The following NFIB variants were observed in gnomAD, a reference collection of about 807,000 sequenced individuals.
NFIB encodes the protein nuclear factor 1 B-type.
A neutral mutation model predicts 61.5 loss-of-function variants in NFIB; 11 were observed. The ratio of observed to expected loss-of-function variants is 0.18; its 90% CI spans 0.11 to 0.30. The LOEUF (loss-of-function observed/expected upper bound fraction) is 0.30. NFIB is among the 10% of genes least tolerant of loss of function. NFIB has a pLI of 1.00. For missense variants in NFIB, 471 were observed against 608.9 expected, an observed-to-expected ratio of 0.77 and a Z score of 2.38; for synonymous variants, 260 against 216.5, an observed-to-expected ratio of 1.20 and a Z score of -1.76.
chr9:14,511,187 T>G, the NFIB span, among the ~76,000 whole-genome samples: 1 of 152,190 alleles, frequency 6.6e-6, no homozygotes, highest in African/African-American at 2.4e-5. Context: ...TGTTTACCAA[T>G]TTTATAGAAG....
At chr9:14,445,141 G>A in the NFIB span, among the ~76,000 whole-genome samples, 1 of 152,086 alleles carries the variant, frequency 6.6e-6, no homozygotes, top group Admixed American at 6.6e-5. Flanking sequence ...TGGTATATAG[G>A]AATGTAGTTG....
At chr9:14,282,380 TTG>T (rs981375374) in intron 2 of NFIB, among the ~76,000 whole-genome samples, 4 of 152,186 alleles carry the variant, frequency 2.6e-5, no homozygotes, top group African/African-American at 9.7e-5. Context: ...AAAAATCGTA[TTG>T]TGTTTAATGA....
the NFIB span, among the ~76,000 whole-genome samples, chr9:14,520,028 A>C: frequency 6.6e-6 from 1 of 151,972 alleles, no homozygotes; most frequent in African/African-American, 2.4e-5. Flanking sequence ...TGAAAATATG[A>C]AGTCCATATT....
chr9:14,169,530 A>T (rs532852434), intron 3 of NFIB, among the ~76,000 whole-genome samples: 1 of 152,138 alleles, frequency 6.6e-6, no homozygotes, highest in East Asian at 1.9e-4. Context: ...GCAAAAGCTA[A>T]TAAGAGTCAG....
intron 1 of NFIB, among the ~76,000 whole-genome samples, chr9:14,344,134 G>GAGAGAGAGAGAGAGAGAGAGAGAGAA (rs1248077284): frequency 6.8e-6 from 1 of 148,022 alleles, no homozygotes; most frequent in African/African-American, 2.5e-5. Flanking sequence ...GAGAGAGAGA[G>GAGAGAGAGAGAGAGAGAGAGAGAGAA]AAACACTAAG....
At chr9:14,247,913 T>G (rs972744923) in intron 2 of NFIB, among the ~76,000 whole-genome samples, 5 of 151,710 alleles carry the variant, frequency 3.3e-5, no homozygotes, top group Non-Finnish European at 5.9e-5. Flanking sequence ...CTACACAGTA[T>G]CTACTAATTT....
At chr9:14,094,952 C>A (rs1356742749) in intron 10 of NFIB, among the ~76,000 whole-genome samples, 1 of 151,910 alleles carries the variant, frequency 6.6e-6, no homozygotes, top group East Asian at 1.9e-4. Context: ...AGTGCTAGCA[C>A]TTTCTAAGTA....
At chr9:14,412,098 C>G in the NFIB span, among the ~76,000 whole-genome samples, 8,181 of 152,320 alleles carry the variant, frequency 0.054, 280 homozygotes, top group Non-Finnish European at 0.076. Flanking sequence ...CCCAGCTAAG[C>G]TACTCCCTGA....
At chr9:14,121,186 T>A (rs1467754861) in intron 7 of NFIB, among the ~76,000 whole-genome samples, 1 of 152,158 alleles carries the variant, frequency 6.6e-6, no homozygotes, top group Non-Finnish European at 1.5e-5. Flanking sequence ...ATCACTTGAA[T>A]CCAGTAGACG....
the NFIB span, among the ~76,000 whole-genome samples, chr9:14,463,150 GA>G: frequency 0.08 from 1,007 of 12,524 alleles, 13 homozygotes; most frequent in African/African-American, 0.23. Context: ...TAATTATTTT[GA>G]TTGTTTTATT....
intron 2 of NFIB, among the ~76,000 whole-genome samples, chr9:14,270,812 C>G (rs769222002): frequency 1.3e-5 from 2 of 152,026 alleles, no homozygotes; most frequent in African/African-American, 2.4e-5. Context: ...TTTGCACAAC[C>G]TAATTTATAG....
intron 2 of NFIB, among the ~76,000 whole-genome samples, chr9:14,250,265 A>AT (rs1171761728): frequency 9.3e-6 from 1 of 107,936 alleles, no homozygotes; most frequent in Non-Finnish European, 2.3e-5. Flanking sequence ...TGCATATAAT[A>AT]TCTTTTTTTG....
At chr9:14,362,080 C>A (rs2061247563) in intron 1 of NFIB, 1 of 152,164 alleles carries the variant, frequency 6.6e-6, no homozygotes, top group Admixed American at 6.6e-5. Context: ...TTGTTTTCTT[C>A]ATAAGGAAAC....
intron 2 of NFIB, among the ~76,000 whole-genome samples, chr9:14,288,082 T>G (rs2058835302): frequency 6.6e-6 from 1 of 152,096 alleles, no homozygotes; most frequent in Non-Finnish European, 1.5e-5. Context: ...ATATTTTGCT[T>G]TCTAGATTTT....
At position 14,120,032 on chromosome 9, in the gene NFIB, T is replaced by C. The variant is rs1333612011; in HGVS notation, c.1245+408A>G. 6.6e-6 allele frequency among the ~76,000 whole-genome samples: 1 copy of C among 152,238 alleles called. No individual in the cohort carries two copies. The highest frequency in any genetic ancestry group is 1.5e-5 in the Non-Finnish European group (1 of 68,038). ...TTATTTTAATACCTAATAGTTGGTCTATAAATACAACTGTAAGTTCTTTTG... is the reference window on the plus strand; with the variant it reads ...TTATTTTAATACCTAATAGTTGGTCCATAAATACAACTGTAAGTTCTTTTG... On this transcript the variant is annotated intron_variant, in intron 8 of 10. Coordinates refer to ENST00000380953, the MANE Select transcript of NFIB (RefSeq NM_001190737.2). This position sits in a 1 kb window ranked among gnomAD's most constrained non-coding sequence, Gnocchi z 4.4.
chr9:14,270,761 A>G (rs1194562570), intron 2 of NFIB, among the ~76,000 whole-genome samples: 2 of 152,118 alleles, frequency 1.3e-5, no homozygotes, highest in Non-Finnish European at 2.9e-5. Context: ...GAAAAATTAC[A>G]TATTGAGGTG....
chr9:14,140,283 T>C (rs575545806), intron 6 of NFIB, among the ~76,000 whole-genome samples: 4 of 152,216 alleles, frequency 2.6e-5, no homozygotes, highest in Admixed American at 6.5e-5. Flanking sequence ...TATTCAACCA[T>C]CTATGACAGC....
intron 2 of NFIB, among the ~76,000 whole-genome samples, chr9:14,199,444 G>A (rs528198008): frequency 6.6e-5 from 10 of 152,290 alleles, no homozygotes; most frequent in African/African-American, 2.4e-4. Context: ...AAGTTAAATG[G>A]CCTGCCAGAC....
At chr9:14,304,982 T>A (rs1159973923) in intron 2 of NFIB, among the ~76,000 whole-genome samples, 1 of 152,186 alleles carries the variant, frequency 6.6e-6, no homozygotes. Flanking sequence ...ATACAAGTTA[T>A]ATACACAAGA....
Sources: allele counts gnomAD v4.1 joint callset (sites outside exome capture counted in the v4.1 genomes callset), GRCh38; gene constraint gnomAD v4.1.1; non-coding constraint Gnocchi (gnomAD v3.1); transcripts MANE v1.5; gene names NCBI Gene and HGNC (gene_info 2026-07-23, HGNC 2026-07-21).